CABP1: variants seen among roughly 807,000 people sequenced by gnomAD.
CABP1 encodes calcium-binding protein 1.
A neutral mutation model predicts 34.3 loss-of-function variants in CABP1; 17 were observed. The ratio of observed to expected loss-of-function variants is 0.50; its 90% CI spans 0.34 to 0.74. CABP1 has a LOEUF of 0.74. Ranked by LOEUF, CABP1 falls within the 30% of genes least tolerant of loss-of-function variation. The pLI is 0.01. For missense variants in CABP1, 373 were observed against 511.1 expected, an observed-to-expected ratio of 0.73 and a Z score of 2.61; for synonymous variants, 198 against 229.2, an observed-to-expected ratio of 0.86 and a Z score of 1.23.
At chr12:120,645,451 G>C (rs1451605361) in intron 1 of CABP1, among the ~76,000 whole-genome samples, 1 of 152,092 alleles carries the variant, frequency 6.6e-6, no homozygotes, top group Non-Finnish European at 1.5e-5. Context: ...CTGCACAGTG[G>C]ACAAAGTGTC....
chr12:120,644,850 A>T (rs952329401), intron 1 of CABP1, among the ~76,000 whole-genome samples: 1 of 152,126 alleles, frequency 6.6e-6, no homozygotes, highest in South Asian at 2.1e-4. Flanking sequence ...TGTCACCCAG[A>T]CTAGAGTGCA....
rs2137322726 is a variant in CABP1, at chr12:120,641,101, C to T, written c.416C>T (p.Pro139Leu). 2 of 1,215,322 alleles carry T rather than the reference C, an allele frequency of 1.6e-6. No individual in the cohort carries two copies. Among genetic ancestry groups the T allele is most frequent in the Admixed American group, 4.4e-5 (1 of 22,848 alleles). 75.3% of individuals were successfully genotyped at this position (1,215,322 alleles called of 1,614,324 possible). Residue 139 changes from proline (P) to leucine (L), a missense_variant, in exon 1 of 6, where the codon CCC becomes CTC. Around this residue, in one of 4 missense-constraint regions of CABP1, gnomAD observed 121 missense variants for 125.5 expected, o/e 0.96. Transcript: ENST00000316803. This position sits in a 1 kb window ranked among gnomAD's most constrained non-coding sequence, Gnocchi z 6.7. ...GCGCGGGGGAGCCAGCGTGTGCTCC[C>T]CCAGGCGCACTGCAGGCCCCGGGAG... The part of the protein sequence containing the change: ...EGARGSQRVL[P>L]QAHCRPREAL...
Position 120,641,542 on chromosome 12 carries a change from TC to T in CABP1, c.654+205del. The T allele has an allele frequency of 4.2e-6, 2 of 476,968 alleles. No homozygotes were observed. The highest frequency in any genetic ancestry group is 6.6e-6 in the Non-Finnish European group (2 of 300,956). The allele number at this position is 476,968 out of a possible 1,614,324, so 29.5% of individuals were successfully genotyped here. A position where few individuals can be genotyped will look rare whatever the true frequency, so the allele number is the denominator to read the frequency against. ...TCAGCACCCCGTGCGCTGTCCACGC[TC>T]CGGGCCTCTTGGGGCAAGGCCCTCC... On this transcript the variant is annotated intron_variant, in intron 1 of 5. Coordinates refer to ENST00000316803, the MANE Select transcript of CABP1 (RefSeq NM_001033677.2). The surrounding 1 kb of genome is among the most constrained non-coding windows in gnomAD (Gnocchi z 6.7).
At chr12:120,653,790 C>T (rs1879995825) in intron 1 of CABP1, among the ~76,000 whole-genome samples, 1 of 152,234 alleles carries the variant, frequency 6.6e-6, no homozygotes, top group Non-Finnish European at 1.5e-5. Flanking sequence ...GCCTCGGCCT[C>T]CCAAAGTGCT....
intron 5 of CABP1, among the ~76,000 whole-genome samples, chr12:120,663,360 C>T (rs1480509251): frequency 1.2e-4 from 18 of 151,976 alleles, no homozygotes; most frequent in African/African-American, 4.4e-4. Context: ...CTGCAACCTC[C>T]GCCTCCCGGG....
intron 1 of CABP1, chr12:120,659,484 T>G: frequency 1.7e-5 from 3 of 173,102 alleles, no homozygotes; most frequent in African/African-American, 4.8e-5. Flanking sequence ...CTCTGACTCA[T>G]TCTTTTTTTG....
chr12:120,647,457 A>G (rs1052202453), intron 1 of CABP1, among the ~76,000 whole-genome samples: 4 of 151,616 alleles, frequency 2.6e-5, no homozygotes, highest in Non-Finnish European at 5.9e-5. Flanking sequence ...TCCTGGGCTC[A>G]ATGATCCTCC....
Position 120,667,209 on chromosome 12 carries a change from C to T in CABP1, c.*309C>T. The T allele has an allele frequency of 1.1e-5, 6 of 529,136 alleles. No homozygotes were observed. Among genetic ancestry groups the T allele is most frequent in the South Asian group, 8.9e-5 (4 of 45,112 alleles). The allele number at this position is 529,136 out of a possible 1,614,324, so 32.8% of individuals were successfully genotyped here. ...CTGGGTGGGCCAGGGAGCCCGCCAG[C>T]AGACCCCACACAGCATGTCCGCCCC... On this transcript the variant is annotated 3_prime_UTR_variant, in exon 6 of 6. Coordinates refer to ENST00000316803, the MANE Select transcript of CABP1 (RefSeq NM_001033677.2).
chr12:120,653,335 T>C (rs1361183340), intron 1 of CABP1, among the ~76,000 whole-genome samples: 1 of 152,174 alleles, frequency 6.6e-6, no homozygotes, highest in Non-Finnish European at 1.5e-5. Flanking sequence ...AACTCATTAC[T>C]TGTCGCAGGA....
chr12:120,655,572 C>T (rs1880127303), intron 1 of CABP1: 1 of 1,269,486 alleles, frequency 7.9e-7, no homozygotes. Flanking sequence ...TCCATGCTGC[C>T]AGCTCCGATT....
intron 1 of CABP1, among the ~76,000 whole-genome samples, chr12:120,642,702 C>T (rs9667995): frequency 0.016 from 2,462 of 152,142 alleles, 75 homozygotes; most frequent in African/African-American, 0.055. Context: ...TGCCAGGGCA[C>T]GAGTGGTCTT....
chr12:120,660,450 A>G lies in CABP1; in HGVS notation c.829+111A>G, dbSNP rs999043837. 28 of 1,230,376 alleles carry G rather than the reference A, an allele frequency of 2.3e-5. No individual in the cohort carries two copies. The highest frequency in any genetic ancestry group is 3.0e-5 in the Non-Finnish European group (27 of 889,622). The allele number at this position is 1,230,376 out of a possible 1,614,324, so 76.2% of individuals were successfully genotyped here. A position where few individuals can be genotyped will look rare whatever the true frequency, so the allele number is the denominator to read the frequency against. On this transcript the variant is annotated intron_variant, in intron 3 of 5. Coordinates refer to ENST00000316803, the MANE Select transcript of CABP1 (RefSeq NM_001033677.2). The surrounding 1 kb of genome is among the most constrained non-coding windows in gnomAD (Gnocchi z 5.0). ...GCATCCACCTCTTACCAGCTCTGTG[A>G]TCTGGGGCCAACCACTTACCCTCTC... is the stretch of plus-strand genomic sequence containing the variant.
At chr12:120,668,654 C>A (rs1881133778), downstream of CABP1, among the ~76,000 whole-genome samples, 1 of 152,182 alleles carries the variant, frequency 6.6e-6, no homozygotes, top group African/African-American at 2.4e-5. Flanking sequence ...CAGGGCATTG[C>A]ACCACACGGC....
chr12:120,641,233 G>A lies in CABP1; in HGVS notation c.548G>A (p.Gly183Asp). The change falls in exon 1 of 6, where the codon GGC becomes GAC. Residue 183 changes from glycine to aspartate, a missense_variant. Physicochemically the swap from Gly to Asp is moderately conservative, Grantham distance 94 (BLOSUM62 -1). This residue lies in a region of CABP1 where 121 missense variants were observed against 125.5 expected (regional missense o/e 0.96). Transcript: ENST00000316803. The surrounding 1 kb of genome is among the most constrained non-coding windows in gnomAD (Gnocchi z 6.7). ...RGLSPALGLR[G>D]SLRARGRGDS... ...CTGTCCCCGGCGCTCGGCCTCCGGG[G>A]CTCTCTGCGAGCCCGGGGCCGCGGG... is the stretch of plus-strand genomic sequence containing the variant. The A allele has an allele frequency of 7.8e-7, 1 of 1,274,760 alleles. No homozygotes were observed. Among genetic ancestry groups the A allele is most frequent in the Non-Finnish European group, 9.9e-7 (1 of 1,012,656 alleles). The allele number at this position is 1,274,760 out of a possible 1,614,324, so 79.0% of individuals were successfully genotyped here. A position where few individuals can be genotyped will look rare whatever the true frequency, so the allele number is the denominator to read the frequency against.
chr12:120,649,668 C>G (rs1466578643), intron 1 of CABP1, among the ~76,000 whole-genome samples: 2 of 152,152 alleles, frequency 1.3e-5, no homozygotes, highest in African/African-American at 4.8e-5. Context: ...TGCTCATGCC[C>G]TCTCTGCCTG....
chr12:120,679,324 T>C, the CABP1 span, among the ~76,000 whole-genome samples: 5 of 152,268 alleles, frequency 3.3e-5, no homozygotes, highest in South Asian at 2.1e-4. Context: ...TGCCAAAACA[T>C]TGGATTCTGG....
chr12:120,644,199 T>A (rs1174970343), intron 1 of CABP1, among the ~76,000 whole-genome samples: 1 of 152,196 alleles, frequency 6.6e-6, no homozygotes, highest in East Asian at 1.9e-4. Flanking sequence ...AGGAATGAGA[T>A]TGACAAAAAC....
At chr12:120,679,073 C>T in the CABP1 span, among the ~76,000 whole-genome samples, 1 of 87,098 alleles carries the variant, frequency 1.1e-5, no homozygotes, top group African/African-American at 4.2e-5. Context: ...ACACCATCTC[C>T]AAAAAAAAAA....
In CABP1 at chr12:120,667,134, C is replaced by A; in HGVS notation, c.*234C>A. ...CGACGAGGAGGCCACCGTGCCAAGCCGGCAGAGGTCATGCCAGGCGCCAAG... is the reference window on the plus strand; with the variant it reads ...CGACGAGGAGGCCACCGTGCCAAGCAGGCAGAGGTCATGCCAGGCGCCAAG... On this transcript the variant is annotated 3_prime_UTR_variant, in exon 6 of 6. Transcript: ENST00000316803. 1.7e-6 allele frequency: 1 copy of A among 589,948 alleles called. No homozygotes were observed. The highest frequency in any genetic ancestry group is 3.0e-6 in the Non-Finnish European group (1 of 331,816). 36.5% of individuals were successfully genotyped at this position (589,948 alleles called of 1,614,324 possible).
Sources: gnomAD v4.1 joint callset for allele counts (sites outside exome capture counted in the v4.1 genomes callset) on GRCh38, gnomAD v4.1.1 for gene constraint, gnomAD v4.1.1 regional missense constraint, Gnocchi (gnomAD v3.1) non-coding constraint, MANE v1.5 for transcripts, NCBI Gene and HGNC (gene_info 2026-07-23, HGNC 2026-07-21) for gene names.